Variants in INPP5A observed in about 807,000 individuals in gnomAD.
INPP5A encodes 43 kDa inositol polyphosphate 5-phophatase.
In INPP5A, 14 loss-of-function variants were observed where a neutral mutation model predicts 65.2. The observed-to-expected ratio is 0.21, with a 90% confidence interval of 0.14 to 0.34. The LOEUF (loss-of-function observed/expected upper bound fraction) is 0.34, where lower values mean the gene tolerates loss of function less well. Among genes scored for constraint, INPP5A ranks in the 10% least tolerant of loss-of-function variants. The probability of loss-of-function intolerance (pLI) is 1.00; values close to 1 mark genes in which losing one functional copy is unlikely to be tolerated. For synonymous variants in INPP5A, 207 were observed against 208.3 expected, an observed-to-expected ratio of 0.99 and a Z score of 0.05; for missense variants, 431 against 545.6, an observed-to-expected ratio of 0.79 and a Z score of 2.09.
intron 5 of INPP5A, among the ~76,000 whole-genome samples, chr10:132,692,400 A>C (rs1845282884): frequency 6.6e-6 from 1 of 152,214 alleles, no homozygotes; most frequent in South Asian, 2.1e-4. Context: ...AACTTTCCAA[A>C]CTTGTAACTG....
chr10:132,662,197 C>G (rs960483271), intron 4 of INPP5A, among the ~76,000 whole-genome samples: 1 of 152,036 alleles, frequency 6.6e-6, no homozygotes, highest in Non-Finnish European at 1.5e-5. Context: ...CTGCAGCCGT[C>G]GTGTTAGTGC....
chr10:132,780,143 T>A (rs1847135854), intron 13 of INPP5A, among the ~76,000 whole-genome samples: 1 of 152,256 alleles, frequency 6.6e-6, no homozygotes, highest in East Asian at 1.9e-4. Context: ...AGCTTCCCAC[T>A]GCATTAAAGA....
At chr10:132,596,920 TGC>T (rs1314459667) in intron 1 of INPP5A, among the ~76,000 whole-genome samples, 9 of 27,086 alleles carry the variant, frequency 3.3e-4, no homozygotes, top group African/African-American at 4.0e-4. Flanking sequence ...TGTGCATGTG[TGC>T]GCGCATGTGC....
chr10:132,620,931 A>G (rs751064204), intron 2 of INPP5A, among the ~76,000 whole-genome samples: 21 of 152,362 alleles, frequency 1.4e-4, no homozygotes, highest in Middle Eastern at 3.4e-3. Context: ...ATTATTTTCA[A>G]TGTTGTAAAT....
chr10:132,682,613 G>C (rs1293541998), intron 4 of INPP5A, among the ~76,000 whole-genome samples: 1 of 152,266 alleles, frequency 6.6e-6, no homozygotes, highest in Non-Finnish European at 1.5e-5. Flanking sequence ...GAGGGGCAAC[G>C]TGGTGGTGCC....
chr10:132,690,566 G>C (rs1037543517), intron 5 of INPP5A, 111 bp downstream of exon 5: 2 of 799,362 alleles, frequency 2.5e-6, no homozygotes, highest in African/African-American at 3.4e-5. Context: ...CTGTGGGCTG[G>C]GTGTCTTGAG....
At chr10:132,554,189 C>T (rs1383753512) in intron 1 of INPP5A, among the ~76,000 whole-genome samples, 1 of 152,184 alleles carries the variant, frequency 6.6e-6, no homozygotes, top group East Asian at 1.9e-4. Context: ...TTTGGAATAT[C>T]TGTTGTCACT....
chr10:132,690,946 G>A (rs1845249052), intron 5 of INPP5A, among the ~76,000 whole-genome samples: 1 of 152,202 alleles, frequency 6.6e-6, no homozygotes, highest in African/African-American at 2.4e-5. Flanking sequence ...TAGGCCGGGT[G>A]TGGGGCTTCC....
intron 12 of INPP5A, among the ~76,000 whole-genome samples, chr10:132,767,003 C>T (rs1333227786): frequency 6.0e-4 from 69 of 114,860 alleles, no homozygotes; most frequent in African/African-American, 2.4e-3. Context: ...CTGGAGGATG[C>T]GGCCTCGGAG....
At chr10:132,539,785 A>T (rs1451220800) in intron 1 of INPP5A, among the ~76,000 whole-genome samples, 1 of 143,814 alleles carries the variant, frequency 7.0e-6, no homozygotes, top group Non-Finnish European at 1.5e-5. Flanking sequence ...TTTCAGGAGG[A>T]GGTCTTGTGT....
chr10:132,708,653 C>G (rs983221696), intron 7 of INPP5A: 2 of 512,598 alleles, frequency 3.9e-6, no homozygotes, highest in African/African-American at 1.9e-5. Flanking sequence ...GGCCAGAGCC[C>G]GCTGCACAGA....
intron 11 of INPP5A, 32 bp downstream of exon 11, chr10:132,749,877 C>A (rs751870133): frequency 6.3e-7 from 1 of 1,585,898 alleles, no homozygotes; most frequent in South Asian, 1.1e-5. Context: ...GCAGCTCCCC[C>A]GTCCTGGGAC....
rs112251230 is a variant in INPP5A at position 132,766,857 on chromosome 10, G to A, written c.977+1011G>A. Among the ~76,000 whole-genome samples, 23 of 152,028 alleles carry A rather than the reference G, an allele frequency of 1.5e-4. 1 individual carries two copies. The highest frequency in any genetic ancestry group is 4.6e-4 in the African/African-American group (19 of 41,476). On this transcript the variant is annotated intron_variant, in intron 12 of 15. Coordinates refer to ENST00000368594, the MANE Select transcript of INPP5A (RefSeq NM_005539.5). ...GAGCAAGATTGGGAGCTGGAGGTGC[G>A]GCCTCAGGGAGCCTGGGTGGGAGCT...
chr10:132,773,454 T>TA (rs1345115798), intron 12 of INPP5A, among the ~76,000 whole-genome samples: 2 of 152,322 alleles, frequency 1.3e-5, no homozygotes, highest in African/African-American at 4.8e-5. Context: ...AATGGACACA[T>TA]ATATTTTTAA....
chr10:132,677,864 C>T (rs2072988189), intron 4 of INPP5A, among the ~76,000 whole-genome samples: 1 of 152,238 alleles, frequency 6.6e-6, no homozygotes, highest in African/African-American at 2.4e-5. Flanking sequence ...AGAATGCCGG[C>T]TTCCACGGGG....
intron 8 of INPP5A, among the ~76,000 whole-genome samples, chr10:132,714,304 G>T (rs1382548595): frequency 6.6e-6 from 1 of 152,214 alleles, no homozygotes; most frequent in Non-Finnish European, 1.5e-5. Context: ...AACACAAAGG[G>T]CGGCTCTGTC....
rs965904209 is a variant in INPP5A at position 132,646,229 on chromosome 10, C to T, written c.218+261C>T. On this transcript the variant is annotated intron_variant, in intron 3 of 15. Transcript: ENST00000368594. Reference sequence around the variant, plus strand: ...GGGTCTGTGCTCTCGGGCCAGGGGACGTGAGCCCCAGATACCAGTGGAGCC... The same window carrying T: ...GGGTCTGTGCTCTCGGGCCAGGGGATGTGAGCCCCAGATACCAGTGGAGCC... 3.9e-5 allele frequency among the ~76,000 whole-genome samples: 6 copies of T among 152,170 alleles called. No individual in the cohort carries two copies. The East Asian group carries it at 5.8e-4, about 15-fold the overall frequency.
At chr10:132,602,817 A>G (rs887838989) in intron 1 of INPP5A, among the ~76,000 whole-genome samples, 2 of 152,290 alleles carry the variant, frequency 1.3e-5, no homozygotes, top group East Asian at 3.9e-4. Flanking sequence ...GCTTTCTGTC[A>G]TCCACTATTG....
intron 9 of INPP5A, among the ~76,000 whole-genome samples, chr10:132,746,847 G>A (rs1295987735): frequency 6.6e-6 from 1 of 152,252 alleles, no homozygotes; most frequent in Non-Finnish European, 1.5e-5. Flanking sequence ...CTTTCCGCAT[G>A]AGTGGCCACG....
Sources: allele counts gnomAD v4.1 joint callset (sites outside exome capture counted in the v4.1 genomes callset), GRCh38; gene constraint gnomAD v4.1.1; transcripts MANE v1.5; gene names NCBI Gene and HGNC (gene_info 2026-07-23, HGNC 2026-07-21).